The following LAMA2 variants were observed in gnomAD, a reference collection of about 807,000 sequenced individuals.
LAMA2 encodes the protein laminin subunit alpha-2.
A neutral mutation model predicts 364.8 loss-of-function variants in LAMA2; 269 were observed. The observed-to-expected ratio is 0.74, with a 90% CI of 0.67 to 0.82. The LOEUF (loss-of-function observed/expected upper bound fraction) is 0.82, where lower values mean the gene tolerates loss of function less well. LAMA2 is among the 40% of genes least tolerant of loss of function. The pLI is 0.00. For missense variants in LAMA2, 3,807 were observed against 3,873.2 expected, an observed-to-expected ratio of 0.98 and a Z score of 0.45; for synonymous variants, 1,379 against 1,370.6, an observed-to-expected ratio of 1.01 and a Z score of -0.14.
chr6:129,245,583 A>T (rs539783557), intron 12 of LAMA2, among the ~76,000 whole-genome samples: 125 of 152,324 alleles, frequency 8.2e-4, no homozygotes, highest in Non-Finnish European at 1.3e-3. Flanking sequence ...TGCAGTACGT[A>T]TAACTTACCA....
chr6:129,234,284 A>G (rs1190844627), intron 12 of LAMA2, among the ~76,000 whole-genome samples: 2 of 152,232 alleles, frequency 1.3e-5, no homozygotes, highest in Non-Finnish European at 2.9e-5. Flanking sequence ...TATGCAACCA[A>G]TTTAAATGAT....
intron 1 of LAMA2, among the ~76,000 whole-genome samples, chr6:129,006,220 T>C (rs1196026659): frequency 6.6e-6 from 1 of 152,100 alleles, no homozygotes; most frequent in Non-Finnish European, 1.5e-5. Context: ...CCTACATAAT[T>C]GAGACCAAGT....
chr6:128,904,820 T>C (rs1777319261), intron 1 of LAMA2, among the ~76,000 whole-genome samples: 1 of 152,158 alleles, frequency 6.6e-6, no homozygotes. Flanking sequence ...ATGAAACATG[T>C]TCTGCATCTG....
intron 19 of LAMA2, among the ~76,000 whole-genome samples, chr6:129,290,564 C>T (rs1424808152): frequency 1.3e-5 from 2 of 152,066 alleles, no homozygotes; most frequent in Admixed American, 6.5e-5. Flanking sequence ...CTGTTTATAG[C>T]TTAATTTTAG....
intron 41 of LAMA2, among the ~76,000 whole-genome samples, chr6:129,429,717 T>C (rs1781495605): frequency 6.6e-6 from 1 of 152,182 alleles, no homozygotes; most frequent in East Asian, 1.9e-4. Context: ...CCTTCCTATC[T>C]CATACCCTTG....
At chr6:129,207,915 A>G (rs961171197) in intron 12 of LAMA2, among the ~76,000 whole-genome samples, 3 of 152,214 alleles carry the variant, frequency 2.0e-5, no homozygotes, top group Non-Finnish European at 4.4e-5. Flanking sequence ...GGCTTTAGGG[A>G]AAAGGCTGGT....
intron 28 of LAMA2, 63 bp downstream of exon 28, chr6:129,320,718 C>T (rs1353474375): frequency 1.2e-6 from 1 of 850,006 alleles, no homozygotes; most frequent in African/African-American, 1.7e-5. Flanking sequence ...TGGAAATACT[C>T]CCAGAAGTAC....
At chr6:129,326,442 A>C (rs1027591106) in intron 28 of LAMA2, among the ~76,000 whole-genome samples, 2 of 152,034 alleles carry the variant, frequency 1.3e-5, no homozygotes, top group Non-Finnish European at 2.9e-5. Context: ...TGGACCTACA[A>C]CGCTAAACTG....
At chr6:129,353,106 C>A (rs1776945697) in intron 31 of LAMA2, 58 bp from the exon 32 acceptor site, 1 of 1,355,278 alleles carries the variant, frequency 7.4e-7, no homozygotes, top group Non-Finnish European at 1.0e-6. Flanking sequence ...CCACACACAA[C>A]AATGTGGAGA....
chr6:129,053,772 G>C (rs56080127), intron 2 of LAMA2, among the ~76,000 whole-genome samples: 2,932 of 152,290 alleles, frequency 0.019, 82 homozygotes, highest in African/African-American at 0.067. Flanking sequence ...CACTGAAGAG[G>C]TAATAAATGA....
intron 3 of LAMA2, among the ~76,000 whole-genome samples, chr6:129,070,367 A>G (rs552971561): frequency 2.0e-4 from 30 of 152,262 alleles, no homozygotes; most frequent in African/African-American, 7.2e-4. Context: ...TAACAAAACA[A>G]AAGCTCAAAA....
At chr6:129,123,811 T>C (rs925535945) in intron 4 of LAMA2, among the ~76,000 whole-genome samples, 5 of 152,240 alleles carry the variant, frequency 3.3e-5, no homozygotes, top group Non-Finnish European at 7.3e-5. Context: ...CGAGATCTAC[T>C]GTACCGCATA....
chr6:129,442,716 GATTGATTCTCA>G (rs1056851631), intron 43 of LAMA2: 1 of 337,154 alleles, frequency 3.0e-6, no homozygotes, highest in African/African-American at 2.2e-5. Flanking sequence ...TTCTATTTTA[GATTGATTCTCA>G]ACTGGTAGTG....
intron 40 of LAMA2, among the ~76,000 whole-genome samples, chr6:129,406,474 A>G (rs1263265292): frequency 6.6e-6 from 1 of 152,176 alleles, no homozygotes. Context: ...GTTTTCCTAC[A>G]TATAATCACC....
At chr6:129,364,133 G>T (rs1423567680) in intron 32 of LAMA2, among the ~76,000 whole-genome samples, 3 of 152,102 alleles carry the variant, frequency 2.0e-5, no homozygotes, top group African/African-American at 7.2e-5. Flanking sequence ...GGTGTCACCT[G>T]CAAGAAGCTG....
intron 42 of LAMA2, among the ~76,000 whole-genome samples, chr6:129,439,365 G>A (rs1191938996): frequency 2.0e-5 from 3 of 151,974 alleles, no homozygotes; most frequent in Non-Finnish European, 4.4e-5. Flanking sequence ...GACACAGAGG[G>A]ACAACTGTAT....
chr6:129,453,336 T>C (rs779116713), intron 46 of LAMA2, among the ~76,000 whole-genome samples: 29 of 152,176 alleles, frequency 1.9e-4, no homozygotes, highest in Non-Finnish European at 3.4e-4. Context: ...AAAACTACAG[T>C]GTTTAGTCAC....
At chr6:129,510,908 G>A (rs1386505686) in intron 62 of LAMA2, among the ~76,000 whole-genome samples, 4 of 152,068 alleles carry the variant, frequency 2.6e-5, no homozygotes, top group East Asian at 3.8e-4. Context: ...GCTGAACCCC[G>A]AATTCCATGT....
At chr6:129,458,992 C>T (rs1011270257) in intron 48 of LAMA2, among the ~76,000 whole-genome samples, 1 of 151,962 alleles carries the variant, frequency 6.6e-6, no homozygotes, top group African/African-American at 2.4e-5. Context: ...TTGTAGGCAC[C>T]AGAATATAAT....
Sources: allele counts gnomAD v4.1 joint callset (sites outside exome capture counted in the v4.1 genomes callset), GRCh38; gene constraint gnomAD v4.1.1; transcripts MANE v1.5; gene names NCBI Gene and HGNC (gene_info 2026-07-23, HGNC 2026-07-21).